The following PHF3 variants were observed in gnomAD, a reference collection of about 807,000 sequenced individuals.
The protein encoded by PHF3 is PHD finger protein 3.
In PHF3, 41 loss-of-function variants were observed where a neutral mutation model predicts 178.4. The observed-to-expected ratio is 0.23, with a 90% confidence interval of 0.18 to 0.30. The LOEUF (loss-of-function observed/expected upper bound fraction) is 0.30, where lower values mean the gene tolerates loss of function less well. Ranked by LOEUF, PHF3 falls within the 10% of genes least tolerant of loss-of-function variation. The pLI, the probability that PHF3 is intolerant of heterozygous loss-of-function variation, is 1.00. For missense variants in PHF3, 2,346 were observed against 2,398.1 expected (o/e 0.98, Z 0.45); for synonymous variants, 842 against 800.5 (o/e 1.05, Z -0.88).
rs1398397523 is a variant in PHF3, at chr6:63,635,866, G to A, written c.-310G>A. On this transcript the variant is annotated 5_prime_UTR_variant, in exon 1 of 16. Coordinates refer to ENST00000262043, the MANE Select transcript of PHF3 (RefSeq NM_001370348.2). ...CCGCCGCCGCACGCCGATGGCTGCG[G>A]GGTCTCGCGCCGTCGCACCGTCCCC... 4 of 397,336 alleles carry A rather than the reference G, an allele frequency of 1.0e-5. No individual in the cohort carries two copies. Among genetic ancestry groups the A allele is most frequent in the East Asian group, 3.6e-5 (1 of 27,982 alleles). The allele number at this position is 397,336 out of a possible 1,614,324, so 24.6% of individuals were successfully genotyped here.
At position 63,636,049 on chromosome 6, in the gene PHF3, C is replaced by T; in HGVS notation, c.-127C>T. ...CGCCGACGTCCTGCGCGTACCCCCT[C>T]TCCGCGGCACCCACCGGGCCCCCTC... On this transcript the variant is annotated 5_prime_UTR_variant, in exon 1 of 16. Transcript: ENST00000262043. The T allele has an allele frequency of 2.5e-6, 1 of 394,774 alleles. No homozygotes were observed. 24.5% of individuals were successfully genotyped at this position (394,774 alleles called of 1,614,324 possible).
chr6:63,698,536 G>C lies in PHF3; in HGVS notation c.2913G>C (p.Arg971=). ...AGAAAGAGCTTTTCTCTTTTTTTCG[G>C]GACACAGATGCTAAATATAAGAACA... ...KIEKELFSFF[R]DTDAKYKNKY... The change falls in exon 8 of 16, where the codon CGG becomes CGC. Residue 971 remains arginine, a synonymous_variant. Transcript: ENST00000262043. 4 of 1,598,760 alleles carry C rather than the reference G, an allele frequency of 2.5e-6. No homozygotes were observed. Among genetic ancestry groups the C allele is most frequent in the Non-Finnish European group, 3.4e-6 (4 of 1,174,780 alleles).
In PHF3 at chr6:63,685,438, T is replaced by C. The variant is rs770895461; in HGVS notation, c.1716T>C (p.Ala572=). The change falls in exon 4 of 16, where the codon GCT becomes GCC. Residue 572 remains alanine, a synonymous_variant. Coordinates refer to ENST00000262043, the MANE Select transcript of PHF3 (RefSeq NM_001370348.2). ...GGGTTAAATCTGTGAAAAACCAAGC[T>C]CATTCTGTACTGAAAAAAACATTAC... ...NSGVKSVKNQ[A]HSVLKKTLQD... is the part of the protein sequence containing the mutation. 6.2e-7 allele frequency: 1 copy of C among 1,614,034 alleles called. No individual in the cohort carries two copies. The highest frequency in any genetic ancestry group is 8.5e-7 in the Non-Finnish European group (1 of 1,179,972).
chr6:63,718,060 G>A lies in PHF3; in HGVS notation c.*4352G>A, dbSNP rs1298951669. On this transcript the variant is annotated 3_prime_UTR_variant, in exon 16 of 16. Transcript: ENST00000262043. ...CACCAGGATAGCAAAAATAGGAAGC[G>A]GGAATAGTGTTGATTTGTTACATGA... 3.9e-5 allele frequency among the ~76,000 whole-genome samples: 6 copies of A among 151,914 alleles called. No homozygotes were observed. Among genetic ancestry groups the A allele is most frequent in the Non-Finnish European group, 8.8e-5 (6 of 67,918 alleles).
intron 2 of PHF3, among the ~76,000 whole-genome samples, chr6:63,674,002 A>G (rs1766041315): frequency 6.6e-6 from 1 of 152,138 alleles, no homozygotes; most frequent in Non-Finnish European, 1.5e-5. Flanking sequence ...TGGGCAGCCG[A>G]ATTCGTTGCT....
At chr6:63,647,252 A>T (rs960488485) in intron 2 of PHF3, among the ~76,000 whole-genome samples, 3 of 151,992 alleles carry the variant, frequency 2.0e-5, no homozygotes, top group African/African-American at 7.2e-5. Context: ...AAATATTTAC[A>T]TTGTTTGCTC....
At chr6:63,638,218 C>T (rs1764430504) in intron 1 of PHF3, among the ~76,000 whole-genome samples, 1 of 152,092 alleles carries the variant, frequency 6.6e-6, no homozygotes, top group African/African-American at 2.4e-5. Context: ...GGAAAGTTGA[C>T]AGTCTTTGAC....
Position 63,721,214 on chromosome 6 carries a change from A to T in PHF3, c.*7506A>T. 1 of 1,551,788 alleles carries T rather than the reference A, an allele frequency of 6.4e-7. No individual in the cohort carries two copies. Among genetic ancestry groups the T allele is most frequent in the Non-Finnish European group, 8.7e-7 (1 of 1,146,946 alleles). ...AATACCTTCCCACCCAACCCAAAGT[A>T]CACAGGCAACTGTAAGAAAATGATT... On this transcript the variant is annotated 3_prime_UTR_variant, in exon 16 of 16. Transcript: ENST00000262043.
intron 3 of PHF3, 151 bp from the exon 4 acceptor site, chr6:63,683,978 A>G: frequency 1.8e-6 from 1 of 548,026 alleles, no homozygotes; most frequent in East Asian, 2.9e-5. Flanking sequence ...GTGTATATAT[A>G]TCATGTCACC....
intron 10 of PHF3, 32 bp from the exon 11 acceptor site, chr6:63,703,504 C>G (rs1767563779): frequency 6.3e-7 from 1 of 1,583,256 alleles, no homozygotes; most frequent in African/African-American, 1.4e-5. Context: ...ATTTTATCAG[C>G]TAAAACTAAT....
chr6:63,656,475 G>C (rs1420158703), intron 2 of PHF3, among the ~76,000 whole-genome samples: 2 of 152,132 alleles, frequency 1.3e-5, no homozygotes, highest in Admixed American at 6.5e-5. Flanking sequence ...CTGTGTGTTT[G>C]TATGTGTGTT....
At chr6:63,670,541 C>T (rs1179247203) in intron 2 of PHF3, among the ~76,000 whole-genome samples, 1 of 152,190 alleles carries the variant, frequency 6.6e-6, no homozygotes, top group African/African-American at 2.4e-5. Context: ...CCAACTCGGC[C>T]TCCCAAAGTG....
chr6:63,712,851 C>A lies in PHF3; in HGVS notation c.5263C>A (p.Arg1755=). The change falls in exon 16 of 16, where the codon CGA becomes AGA. Residue 1755 remains arginine, a synonymous_variant. Transcript: ENST00000262043. ...AAATATTGAAACTGTGCACCCATTT[C>A]GAAGAGGATCAGCAGTAGCGACATC... is the stretch of plus-strand genomic sequence containing the variant. ...MQNIETVHPF[R]RGSAVATSHF... The A allele has an allele frequency of 6.2e-7, 1 of 1,613,994 alleles. No individual in the cohort carries two copies. The highest frequency in any genetic ancestry group is 8.5e-7 in the Non-Finnish European group (1 of 1,179,958).
At chr6:63,661,629 CTGAT>C (rs1055113479) in intron 2 of PHF3, among the ~76,000 whole-genome samples, 2 of 152,158 alleles carry the variant, frequency 1.3e-5, no homozygotes, top group African/African-American at 4.8e-5. Context: ...CATGGTCTGA[CTGAT>C]CCAATCCCAG....
chr6:63,640,362 G>A (rs576737197), intron 1 of PHF3, among the ~76,000 whole-genome samples: 30 of 152,306 alleles, frequency 2.0e-4, no homozygotes, highest in South Asian at 1.4e-3. Flanking sequence ...GAGTGGATCT[G>A]AGTCCTGGCT....
chr6:63,646,005 A>C (rs1046606083), intron 1 of PHF3, among the ~76,000 whole-genome samples: 1 of 152,034 alleles, frequency 6.6e-6, no homozygotes, highest in African/African-American at 2.4e-5. Context: ...CCCTTTGTCT[A>C]TATATATATT....
intron 2 of PHF3, among the ~76,000 whole-genome samples, chr6:63,651,166 G>T (rs1765004842): frequency 6.6e-6 from 1 of 151,960 alleles, no homozygotes; most frequent in South Asian, 2.1e-4. Context: ...TTATGCATGT[G>T]TACAATACGT....
rs1768199098 is a variant in PHF3, at chr6:63,716,670, G to T, written c.*2962G>T. Among the ~76,000 whole-genome samples, 1 of 151,816 alleles carries T rather than the reference G, an allele frequency of 6.6e-6. No homozygotes were observed. Among genetic ancestry groups the T allele is most frequent in the African/African-American group, 2.4e-5 (1 of 41,254 alleles). On this transcript the variant is annotated 3_prime_UTR_variant, in exon 16 of 16. Transcript: ENST00000262043. ...TTCATTTTCTGGAGACTTTCAGGGA[G>T]ATTCCTTTTTTTTTGCGCCTTGGTT... is the stretch of plus-strand genomic sequence containing the variant.
At chr6:63,695,452 A>G (rs1767193106) in intron 6 of PHF3, among the ~76,000 whole-genome samples, 2 of 152,230 alleles carry the variant, frequency 1.3e-5, no homozygotes, top group Admixed American at 6.5e-5. Context: ...AGGATCCCAG[A>G]ATTCCAGTTT....
Sources: allele counts gnomAD v4.1 joint callset (sites outside exome capture counted in the v4.1 genomes callset), GRCh38; gene constraint gnomAD v4.1.1; transcripts MANE v1.5; gene names NCBI Gene and HGNC (gene_info 2026-07-23, HGNC 2026-07-21).